The following AURKA variants were observed in gnomAD, a reference collection of about 807,000 sequenced individuals.
The protein encoded by AURKA is aurora kinase A.
In AURKA, 12 loss-of-function variants were observed where a neutral mutation model predicts 40.9. The ratio of observed to expected loss-of-function variants is 0.29; its 90% CI spans 0.19 to 0.48. The LOEUF (loss-of-function observed/expected upper bound fraction) is 0.48, where lower values mean the gene tolerates loss of function less well. Ranked by LOEUF, AURKA falls within the 20% of genes least tolerant of loss-of-function variation. AURKA has a pLI of 0.99. For synonymous variants in AURKA, 170 were observed against 164.3 expected (o/e 1.03, Z -0.26); for missense variants, 322 against 462.1 (o/e 0.70, Z 2.78).
rs1983823046 is a variant in AURKA, at chr20:56,369,581, G to T, written c.*577C>A. Reference sequence around the variant, plus strand: ...ATATGGGAGATAAGTGGTTAAGGAGGACTAGAAACCCAATCAGGCCTACCG... The same window carrying T: ...ATATGGGAGATAAGTGGTTAAGGAGTACTAGAAACCCAATCAGGCCTACCG... On this transcript the variant is annotated 3_prime_UTR_variant, in exon 9 of 9. Transcript: ENST00000395915. 1 of 255,054 alleles carries T rather than the reference G, an allele frequency of 3.9e-6. No individual in the cohort carries two copies. Among genetic ancestry groups the T allele is most frequent in the Non-Finnish European group, 7.7e-6 (1 of 129,244 alleles). The allele number at this position is 255,054 out of a possible 1,614,324, so 15.8% of individuals were successfully genotyped here.
intron 1 of AURKA, chr20:56,390,491 G>A (rs1336939023): frequency 6.6e-6 from 1 of 152,046 alleles, no homozygotes; most frequent in Non-Finnish European, 1.5e-5. Flanking sequence ...ATTTTTAGTA[G>A]AGACAGGGTT....
chr20:56,385,045 A>G (rs1363515996), intron 3 of AURKA, among the ~76,000 whole-genome samples: 1 of 152,146 alleles, frequency 6.6e-6, no homozygotes, highest in Non-Finnish European at 1.5e-5. Flanking sequence ...CACTCAATTA[A>G]TATCAATCTA....
In AURKA at chr20:56,373,309, T is replaced by C; in HGVS notation, c.854+99A>G. 6.3e-7 allele frequency: 1 copy of C among 1,578,740 alleles called. No individual in the cohort carries two copies. Among genetic ancestry groups the C allele is most frequent in the Non-Finnish European group, 8.7e-7 (1 of 1,151,076 alleles). On this transcript the variant is annotated intron_variant, in intron 7 of 8. Transcript: ENST00000395915. The surrounding 1 kb of genome is among the most constrained non-coding windows in gnomAD (Gnocchi z 5.0). ...TTCTGGGTTAGCCACCTACCCCTCT[T>C]ACAGCACAAAATCTACACTGAAATA...
chr20:56,389,791 G>A (rs1986831447), intron 1 of AURKA, among the ~76,000 whole-genome samples: 1 of 152,134 alleles, frequency 6.6e-6, no homozygotes, highest in African/African-American at 2.4e-5. Flanking sequence ...CAAAAGCCTT[G>A]GCATAATAAC....
At position 56,383,127 on chromosome 20, in the gene AURKA, C is replaced by T; in HGVS notation, c.424G>A (p.Gly142Arg). 1 of 1,614,220 alleles carries T rather than the reference C, an allele frequency of 6.2e-7. No homozygotes were observed. The highest frequency in any genetic ancestry group is 8.5e-7 in the Non-Finnish European group (1 of 1,180,048). ...DFEIGRPLGKGKFGNVYLARE... is the reference protein window; with the variant it reads ...DFEIGRPLGKRKFGNVYLARE... Reference sequence around the variant, plus strand: ...GCCAAATAAACATTACCAAACTTTCCTTTACCCAGAGGGCGACCAATTTCA... The same window carrying T: ...GCCAAATAAACATTACCAAACTTTCTTTTACCCAGAGGGCGACCAATTTCA... Residue 142 changes from glycine to arginine, a missense_variant, in exon 5 of 9, where the codon GGA (glycine) becomes AGA (arginine). Coordinates refer to ENST00000395915, the MANE Select transcript of AURKA (RefSeq NM_198437.3).
intron 6 of AURKA, among the ~76,000 whole-genome samples, chr20:56,381,008 T>A (rs8117896): frequency 6.6e-6 from 1 of 151,888 alleles, no homozygotes; most frequent in Non-Finnish European, 1.5e-5. Flanking sequence ...CCTAGCCAGG[T>A]ACAATGGTGT....
At chr20:56,391,376 C>G (rs1266052169) in intron 1 of AURKA, among the ~76,000 whole-genome samples, 1 of 152,250 alleles carries the variant, frequency 6.6e-6, no homozygotes, top group Non-Finnish European at 1.5e-5. Context: ...GACTCTGAGG[C>G]CTAACCCCAG....
In AURKA at chr20:56,370,617, T is replaced by C. The variant is rs922420843; in HGVS notation, c.897A>G (p.Glu299=). ...CATCATGCATCCGACCTTCAATCATTTCAGGGGGCAGGTAGTCCAGGGTGC... is the reference window on the plus strand; with the variant it reads ...CATCATGCATCCGACCTTCAATCATCTCAGGGGGCAGGTAGTCCAGGGTGC... ...LCGTLDYLPP[E]MIEGRMHDEK... The change falls in exon 8 of 9, where the codon GAA becomes GAG. Residue 299 remains glutamate, a synonymous_variant. Transcript: ENST00000395915. 5.0e-6 allele frequency: 8 copies of C among 1,614,048 alleles called. No homozygotes were observed. The Admixed American group carries it at 5.0e-5, about 10-fold the overall frequency.
chr20:56,380,113 T>C (rs568605570), intron 6 of AURKA, among the ~76,000 whole-genome samples: 7 of 151,294 alleles, frequency 4.6e-5, no homozygotes, highest in African/African-American at 1.7e-4. Flanking sequence ...TCCCAGCACT[T>C]TGGGAGGCTG....
At chr20:56,387,986 T>A (rs1986570732) in intron 2 of AURKA, among the ~76,000 whole-genome samples, 170 bp downstream of exon 2, 1 of 108,052 alleles carries the variant, frequency 9.3e-6, no homozygotes, top group African/African-American at 3.3e-5. Context: ...AAAGCTACTC[T>A]AAGAAGCAGC....
intron 1 of AURKA, among the ~76,000 whole-genome samples, chr20:56,389,244 A>G (rs894158293): frequency 6.6e-6 from 1 of 152,078 alleles, no homozygotes; most frequent in African/African-American, 2.4e-5. Flanking sequence ...CACCTTCACC[A>G]GGGATCCATA....
intron 3 of AURKA, among the ~76,000 whole-genome samples, chr20:56,384,698 T>C (rs1986143492): frequency 6.6e-6 from 1 of 152,082 alleles, no homozygotes; most frequent in African/African-American, 2.4e-5. Context: ...TTCCCCTTAC[T>C]AGGTGGGCCA....
rs79084021 is a variant in AURKA at position 56,380,428 on chromosome 20, T to C, written c.705+1005A>G. Among the ~76,000 whole-genome samples the C allele has an allele frequency of 2.7e-3, 395 of 148,018 alleles. 1 individual carries two copies. Among genetic ancestry groups the C allele is most frequent in the African/African-American group, 9.4e-3 (377 of 40,314 alleles). On this transcript the variant is annotated intron_variant, in intron 6 of 8. Transcript: ENST00000395915. ...AGTTGCAATGATCTGAACCACAAAA[T>C]AAAGTATTGCATTATAGCTCAAGAG...
intron 6 of AURKA, among the ~76,000 whole-genome samples, chr20:56,376,915 A>T (rs915153955): frequency 2.0e-5 from 3 of 152,146 alleles, no homozygotes; most frequent in African/African-American, 7.2e-5. Context: ...CCCTGTCTCT[A>T]CTAAAAATAC....
At chr20:56,387,653 T>A (rs1465990622) in intron 2 of AURKA, among the ~76,000 whole-genome samples, 2 of 152,210 alleles carry the variant, frequency 1.3e-5, no homozygotes, top group African/African-American at 4.8e-5. Context: ...GTATGAGTGC[T>A]CTACAAAGAG....
chr20:56,388,306 A>C, intron 1 of AURKA, 104 bp from the exon 2 acceptor site: 1 of 978,194 alleles, frequency 1.0e-6, no homozygotes, highest in Non-Finnish European at 1.6e-6. Flanking sequence ...GGCCTCCACA[A>C]CACACCGGAT....
chr20:56,375,307 C>CTTTTTTT (rs59071872), intron 6 of AURKA, among the ~76,000 whole-genome samples: 8 of 131,858 alleles, frequency 6.1e-5, no homozygotes, highest in Non-Finnish European at 9.8e-5. Flanking sequence ...TTTAATCTTT[C>CTTTTTTT]TTTTTTTTTT....
Position 56,369,885 on chromosome 20 carries a change from G to A in AURKA, c.*273C>T, listed in dbSNP as rs1176006486. 2 of 530,886 alleles carry A rather than the reference G, an allele frequency of 3.8e-6. No homozygotes were observed. Among genetic ancestry groups the A allele is most frequent in the Non-Finnish European group, 6.8e-6 (2 of 292,382 alleles). The allele number at this position is 530,886 out of a possible 1,614,324, so 32.9% of individuals were successfully genotyped here. On this transcript the variant is annotated 3_prime_UTR_variant, in exon 9 of 9. Transcript: ENST00000395915. ...GAAGACACCATGCCTAGCACAGGCT[G>A]ACGGGGCGGCTGCAGTCGAACCTTG...
intron 6 of AURKA, among the ~76,000 whole-genome samples, chr20:56,375,954 C>T (rs1482173682): frequency 6.6e-6 from 1 of 152,222 alleles, no homozygotes; most frequent in Non-Finnish European, 1.5e-5. Context: ...CATGTGTATT[C>T]ATTCTAACTG....
Sources: gnomAD v4.1 joint callset for allele counts (sites outside exome capture counted in the v4.1 genomes callset) on GRCh38, gnomAD v4.1.1 for gene constraint, Gnocchi (gnomAD v3.1) non-coding constraint, MANE v1.5 for transcripts, NCBI Gene and HGNC (gene_info 2026-07-23, HGNC 2026-07-21) for gene names.